PTPN3: variants seen among roughly 807,000 people sequenced by gnomAD.
The protein encoded by PTPN3 is protein tyrosine phosphatase non-receptor type 3, also known as tyrosine-protein phosphatase non-receptor type 3.
Under a neutral mutation model 132.7 loss-of-function variants are expected in PTPN3, and 96 were observed. That is an observed-to-expected ratio of 0.72 (90% confidence interval 0.61 to 0.86). The LOEUF (loss-of-function observed/expected upper bound fraction) is 0.86. Ranked by LOEUF, PTPN3 falls within the 40% of genes least tolerant of loss-of-function variation. The pLI, the probability that PTPN3 is intolerant of heterozygous loss-of-function variation, is 0.00. For missense variants in PTPN3, 1,125 were observed against 1,159.6 expected (o/e 0.97, Z 0.43); for synonymous variants, 398 against 429.0 (o/e 0.93, Z 0.89).
intron 8 of PTPN3, 96 bp downstream of exon 8, chr9:109,438,018 G>T: frequency 7.3e-7 from 1 of 1,376,414 alleles, no homozygotes; most frequent in Non-Finnish European, 9.7e-7. Flanking sequence ...GAGGATTCAT[G>T]CACAAAAGAA....
intron 14 of PTPN3, among the ~76,000 whole-genome samples, chr9:109,412,941 T>A (rs1477315573): frequency 2.9e-5 from 4 of 136,814 alleles, no homozygotes; most frequent in Admixed American, 1.4e-4. Context: ...TGCCCTAACC[T>A]ATTTTTTTTT....
At chr9:109,482,404 G>A (rs1847002306) in intron 1 of PTPN3, among the ~76,000 whole-genome samples, 2 of 152,100 alleles carry the variant, frequency 1.3e-5, no homozygotes, top group African/African-American at 2.4e-5. Flanking sequence ...GTATCTACGG[G>A]ATAACCGCAA....
At chr9:109,417,547 T>TG in intron 14 of PTPN3, 1 of 954,300 alleles carries the variant, frequency 1.0e-6, no homozygotes, top group Non-Finnish European at 1.2e-6. Context: ...TTTTTTTTTC[T>TG]TTTTTTCTCT....
chr9:109,526,058 A>G, the PTPN3 span, among the ~76,000 whole-genome samples: 1 of 152,202 alleles, frequency 6.6e-6, no homozygotes, highest in African/African-American at 2.4e-5. Context: ...TTGTATGTGT[A>G]TTATATATAC....
chr9:109,458,080 C>T (rs1183515652), intron 2 of PTPN3, among the ~76,000 whole-genome samples: 2 of 152,318 alleles, frequency 1.3e-5, no homozygotes, highest in Non-Finnish European at 2.9e-5. Context: ...AATGGGGACA[C>T]GGCCATAAGA....
chr9:109,440,678 T>A (rs1339299015), intron 7 of PTPN3, among the ~76,000 whole-genome samples: 5 of 152,212 alleles, frequency 3.3e-5, no homozygotes, highest in Admixed American at 6.5e-5. Context: ...TTGGTTTCAT[T>A]AGCTCATGGA....
At chr9:109,458,170 G>A (rs528114209) in intron 2 of PTPN3, among the ~76,000 whole-genome samples, 51 of 152,240 alleles carry the variant, frequency 3.3e-4, no homozygotes, top group African/African-American at 1.2e-3. Flanking sequence ...TGAAACAGTC[G>A]AGGCACAGTG....
rs1842972202 is a variant in PTPN3, at chr9:109,422,777, T to C, written c.1077A>G (p.Ser359=). 2 of 1,611,324 alleles carry C rather than the reference T, an allele frequency of 1.2e-6. No individual in the cohort carries two copies. The highest frequency in any genetic ancestry group is 1.7e-6 in the Non-Finnish European group (2 of 1,177,742). The change falls in exon 13 of 26, where the codon TCA becomes TCG. Residue 359 remains serine (S), a synonymous_variant. Transcript: ENST00000374541. ...GACTCTTGGTTTCTAAGTGCTCCAC[T>C]GATAAGGATCTCCGCATGGCTGGGT... ...VWNPAMRRSL[S]VEHLETKSLP... is the part of the protein sequence containing the mutation.
chr9:109,532,908 CTT>C, the PTPN3 span: 2 of 972,374 alleles, frequency 2.1e-6, no homozygotes, highest in African/African-American at 3.7e-5. Flanking sequence ...GCTTTTGTCT[CTT>C]TGCCACCTTG....
chr9:109,521,551 A>G, the PTPN3 span, among the ~76,000 whole-genome samples: 1 of 151,912 alleles, frequency 6.6e-6, no homozygotes, highest in Non-Finnish European at 1.5e-5. Context: ...CCTGCATCAC[A>G]CCTCTCATCC....
At chr9:109,533,126 A>ATTTTTTTTTTTTTTTTTT in the PTPN3 span, among the ~76,000 whole-genome samples, 4 of 36,554 alleles carry the variant, frequency 1.1e-4, no homozygotes, top group Non-Finnish European at 1.4e-4. Context: ...TACCTGGCTA[A>ATTTTTTTTTTTTTTTTTT]TTTTTTTTTT....
At chr9:109,410,709 G>A (rs747301415) in intron 14 of PTPN3, among the ~76,000 whole-genome samples, 1 of 152,212 alleles carries the variant, frequency 6.6e-6, no homozygotes, top group Non-Finnish European at 1.5e-5. Flanking sequence ...ACAGGGAAAT[G>A]TGTCCAGCTC....
At position 109,410,376 on chromosome 9, in the gene PTPN3, G is replaced by C. The variant is rs146992805; in HGVS notation, c.1353C>G (p.Thr451=). Residue 451 remains threonine, a synonymous_variant, in exon 15 of 26, where the codon ACC becomes ACG. Coordinates refer to ENST00000374541, the MANE Select transcript of PTPN3 (RefSeq NM_002829.4). ...GAGACACAGAACTGGATGACTTCTGGGTCAGGTAGCTTTGTGCCGGATTGT... is the reference window on the plus strand; with the variant it reads ...GAGACACAGAACTGGATGACTTCTGCGTCAGGTAGCTTTGTGCCGGATTGT... ...SENNPAQSYL[T]QKSSSSVSPS... The C allele has an allele frequency of 3.7e-6, 6 of 1,614,012 alleles. No homozygotes were observed. In the African/African-American group the frequency reaches 8.0e-5, roughly 22 times the overall value.
chr9:109,455,569 C>A (rs1347818376), intron 4 of PTPN3, among the ~76,000 whole-genome samples: 1 of 152,226 alleles, frequency 6.6e-6, no homozygotes, highest in Non-Finnish European at 1.5e-5. Flanking sequence ...CCTGAGTACA[C>A]CTGTCCACAT....
chr9:109,414,154 T>C (rs769671332), intron 14 of PTPN3, among the ~76,000 whole-genome samples: 5 of 152,162 alleles, frequency 3.3e-5, no homozygotes, highest in African/African-American at 4.8e-5. Flanking sequence ...CCCGAGGTGA[T>C]TGGGTGAGTT....
chr9:109,510,566 A>ATATATATATATATAT, the PTPN3 span, among the ~76,000 whole-genome samples: 1 of 50,894 alleles, frequency 2.0e-5, no homozygotes, highest in African/African-American at 6.6e-5. Context: ...CTTAAAAAAA[A>ATATATATATATATAT]AAAAAAAAAA....
chr9:109,405,421 C>A (rs532981493), intron 18 of PTPN3, among the ~76,000 whole-genome samples: 1 of 152,266 alleles, frequency 6.6e-6, no homozygotes, highest in Non-Finnish European at 1.5e-5. Context: ...GCAGACACAA[C>A]CTTCATTTAC....
chr9:109,496,338 A>G (rs1161810797), intron 1 of PTPN3, among the ~76,000 whole-genome samples: 2 of 152,236 alleles, frequency 1.3e-5, no homozygotes, highest in African/African-American at 2.4e-5. Context: ...CCAACTTCCA[A>G]TATACTTCAC....
At chr9:109,502,412 A>G (rs920276535), upstream of PTPN3, among the ~76,000 whole-genome samples, 7 of 152,252 alleles carry the variant, frequency 4.6e-5, no homozygotes, top group African/African-American at 7.2e-5. Flanking sequence ...ATCCATAAAT[A>G]CATGGGCAAG....
Sources: gnomAD v4.1 joint callset for allele counts (sites outside exome capture counted in the v4.1 genomes callset) on GRCh38, gnomAD v4.1.1 for gene constraint, MANE v1.5 for transcripts, NCBI Gene and HGNC (gene_info 2026-07-23, HGNC 2026-07-21) for gene names.